Variants in CERS5 observed in about 807,000 individuals in gnomAD.
CERS5 encodes the protein LAG1 homolog, ceramide synthase 5.
CERS5 carries 37 observed loss-of-function variants against 58.9 expected under a neutral mutation model. The observed-to-expected ratio is 0.63, with a 90% CI of 0.48 to 0.83. The LOEUF is 0.83. Ranked by LOEUF, CERS5 falls within the 40% of genes least tolerant of loss-of-function variation. The pLI is 0.00. For missense variants in CERS5, 398 were observed against 489.3 expected (o/e 0.81, Z 1.76); for synonymous variants, 147 against 177.8 (o/e 0.83, Z 1.38).
chr12:50,164,754 CA>C (rs758818268), intron 1 of CERS5, among the ~76,000 whole-genome samples: 5 of 152,086 alleles, frequency 3.3e-5, no homozygotes, highest in African/African-American at 4.8e-5. Flanking sequence ...GCAGCTCTGC[CA>C]GGGGATATAT....
chr12:50,153,909 G>A, intron 1 of CERS5: 2 of 391,170 alleles, frequency 5.1e-6, no homozygotes, highest in African/African-American at 2.1e-5. Context: ...AGCTGTGACT[G>A]CACCATTGGA....
intron 8 of CERS5, chr12:50,135,308 AGTGT>A (rs56858635): frequency 0.18 from 30,274 of 167,410 alleles, 3,268 homozygotes; most frequent in African/African-American, 0.22. Flanking sequence ...GAGAGAGAGG[AGTGT>A]GTGTGTGTGT....
rs756921961 is a variant in CERS5, at chr12:50,130,644, ATCT to A, written c.1077_1079del (p.Glu359del). On this transcript the variant is annotated inframe_deletion, in exon 10 of 10. Transcript: ENST00000317551. ...AGGGACTTTTTGTGCAGGTGGTCAC[ATCT>A]TCTTCCTCTGAGCTGCTCTCCACAT... The A allele has an allele frequency of 7.3e-5, 117 of 1,612,374 alleles. 4 individuals carry two copies. In the South Asian group the frequency reaches 1.0e-3, roughly 14 times the overall value.
chr12:50,166,878 T>C (rs1254690263), intron 1 of CERS5, among the ~76,000 whole-genome samples: 1 of 152,026 alleles, frequency 6.6e-6, no homozygotes, highest in Non-Finnish European at 1.5e-5. Context: ...GGCCCAGCAT[T>C]CCCCTAGACC....
intron 3 of CERS5, 37 bp from the exon 4 acceptor site, chr12:50,142,147 A>T (rs777866067): frequency 7.0e-7 from 1 of 1,419,970 alleles, no homozygotes; most frequent in South Asian, 1.2e-5. Context: ...ACAAATGTCC[A>T]CTCAAACCAA....
In CERS5 at chr12:50,130,773, A is replaced by C. The variant is rs1391524512; in HGVS notation, c.1030-79T>G. On this transcript the variant is annotated intron_variant, in intron 9 of 9. Coordinates refer to ENST00000317551, the MANE Select transcript of CERS5 (RefSeq NM_147190.5). ...TAAGCTCAGAGACCCAGGTGTGGGCACTGTGTTCCCAGTCTGGTCTGCTTT... is the reference window on the plus strand; with the variant it reads ...TAAGCTCAGAGACCCAGGTGTGGGCCCTGTGTTCCCAGTCTGGTCTGCTTT... 1.3e-5 allele frequency: 18 copies of C among 1,342,996 alleles called. No individual in the cohort carries two copies. In the South Asian group the frequency reaches 2.2e-4, roughly 17 times the overall value. 83.2% of individuals were successfully genotyped at this position (1,342,996 alleles called of 1,614,324 possible).
intron 1 of CERS5, chr12:50,144,544 G>A (rs1952151898): frequency 5.4e-6 from 2 of 369,378 alleles, no homozygotes; most frequent in South Asian, 1.5e-4. Flanking sequence ...GATCTTAATT[G>A]GAGGGAAAAG....
At position 50,135,630 on chromosome 12, in the gene CERS5, T is replaced by G. The variant is rs751256497; in HGVS notation, c.872+102A>C. The G allele has an allele frequency of 8.9e-6, 8 of 895,388 alleles. No individual in the cohort carries two copies. In the Admixed American group the frequency reaches 1.4e-4, roughly 15 times the overall value. The allele number at this position is 895,388 out of a possible 1,614,324, so 55.5% of individuals were successfully genotyped here. On this transcript the variant is annotated intron_variant, in intron 8 of 9. Coordinates refer to ENST00000317551, the MANE Select transcript of CERS5 (RefSeq NM_147190.5). Reference sequence around the variant, plus strand: ...GGTTCTTGTGTTCTATTGGCGAAAGTAGAATAGAATAGAACAGAAAAACTG... The same window carrying G: ...GGTTCTTGTGTTCTATTGGCGAAAGGAGAATAGAATAGAACAGAAAAACTG...
intron 1 of CERS5, chr12:50,166,082 G>T (rs1021833092): frequency 5.8e-6 from 2 of 345,172 alleles, no homozygotes; most frequent in African/African-American, 4.4e-5. Flanking sequence ...CAGCACTTTG[G>T]GAGGCAGAGG....
intron 1 of CERS5, chr12:50,165,500 C>A (rs1939788247): frequency 6.6e-6 from 1 of 151,582 alleles, no homozygotes; most frequent in East Asian, 1.9e-4. Context: ...CCATTTAGAT[C>A]TTTGGGTTTC....
chr12:50,163,688 C>T (rs1007002351), intron 1 of CERS5, among the ~76,000 whole-genome samples: 1 of 152,056 alleles, frequency 6.6e-6, no homozygotes, highest in African/African-American at 2.4e-5. Flanking sequence ...CTCTATCACC[C>T]AGGCTGAAGT....
In CERS5 at chr12:50,129,901, A is replaced by T. The variant is rs1388260521; in HGVS notation, c.*644T>A. The T allele has an allele frequency of 6.6e-6, 1 of 152,148 alleles. No individual in the cohort carries two copies. Among genetic ancestry groups the T allele is most frequent in the Non-Finnish European group, 1.5e-5 (1 of 68,116 alleles). 9.4% of individuals were successfully genotyped at this position (152,148 alleles called of 1,614,324 possible). On this transcript the variant is annotated 3_prime_UTR_variant, in exon 10 of 10. Coordinates refer to ENST00000317551, the MANE Select transcript of CERS5 (RefSeq NM_147190.5). ...CCAGCCCTCAGCTCACCCTCTTCCC[A>T]TGCTCCCTCCCTGGGTACCATTGAG...
intron 1 of CERS5, chr12:50,145,090 A>T: frequency 6.8e-6 from 1 of 146,006 alleles, no homozygotes; most frequent in Non-Finnish European, 1.4e-5. Flanking sequence ...GTGAGCCGAG[A>T]TTGTGCCACT....
chr12:50,151,999 C>G (rs1218687941), intron 1 of CERS5, among the ~76,000 whole-genome samples: 1 of 152,168 alleles, frequency 6.6e-6, no homozygotes, highest in Non-Finnish European at 1.5e-5. Context: ...CCTCTATCTC[C>G]TTTGCAGTTT....
At chr12:50,135,337 GTGTGTGTGTGTGTC>G in intron 8 of CERS5, 1 of 392,524 alleles carries the variant, frequency 2.5e-6, no homozygotes, top group Admixed American at 3.2e-5. Flanking sequence ...GTGTGTGTGT[GTGTGTGTGTGTGTC>G]AGGGTTGGGA....
intron 8 of CERS5, chr12:50,135,275 GAGAGAGAGGAGAGGGAGGA>G (rs1374728418): frequency 2.2e-4 from 53 of 238,402 alleles, no homozygotes; most frequent in South Asian, 1.7e-3. Flanking sequence ...GGGAGGGAGG[GAGAGAGAGGAGAGGGAGGA>G]AGAGAGAGAG....
Position 50,138,588 on chromosome 12 carries a change from G to A in CERS5, c.522C>T (p.Cys174=). 1 of 1,613,692 alleles carries A rather than the reference G, an allele frequency of 6.2e-7. No homozygotes were observed. Among genetic ancestry groups the A allele is most frequent in the Non-Finnish European group, 8.5e-7 (1 of 1,179,712 alleles). The change falls in exon 5 of 10, where the codon TGC becomes TGT. Residue 174 remains cysteine (C), a synonymous_variant. Coordinates refer to ENST00000317551, the MANE Select transcript of CERS5 (RefSeq NM_147190.5). ...CTACCTGAAATGGATAGTTATGCCA[G>A]CACTGTCGGATGTCCCAGAACCAAG... ...SSPWFWDIRQ[C]WHNYPFQPLS...
chr12:50,144,908 G>T, intron 1 of CERS5: 1 of 609,172 alleles, frequency 1.6e-6, no homozygotes, highest in Non-Finnish European at 2.7e-6. Context: ...GGCTGAGGCA[G>T]GAGGATCACA....
intron 1 of CERS5, among the ~76,000 whole-genome samples, chr12:50,162,100 T>C (rs905955025): frequency 6.6e-6 from 1 of 151,270 alleles, no homozygotes; most frequent in Non-Finnish European, 1.5e-5. Context: ...GGTCTCGAAC[T>C]CCTGACCTCA....
Sources: allele counts gnomAD v4.1 joint callset (sites outside exome capture counted in the v4.1 genomes callset), GRCh38; gene constraint gnomAD v4.1.1; transcripts MANE v1.5; gene names NCBI Gene and HGNC (gene_info 2026-07-23, HGNC 2026-07-21).